RUNDC3B: variants seen among roughly 807,000 people sequenced by gnomAD.
RUNDC3B encodes RUN domain containing 3B.
A neutral mutation model predicts 58.4 loss-of-function variants in RUNDC3B; 33 were observed. The ratio of observed to expected loss-of-function variants is 0.56; its 90% CI spans 0.43 to 0.75. The LOEUF is 0.75. Among genes scored for constraint, RUNDC3B ranks in the 30% least tolerant of loss-of-function variants. RUNDC3B has a pLI of 0.00. For synonymous variants in RUNDC3B, 193 were observed against 195.2 expected (o/e 0.99, Z 0.10); for missense variants, 501 against 535.7 (o/e 0.94, Z 0.64).
At chr7:87,637,763 T>C (rs1252171796) in intron 1 of RUNDC3B, among the ~76,000 whole-genome samples, 2 of 152,116 alleles carry the variant, frequency 1.3e-5, no homozygotes, top group South Asian at 4.1e-4. Context: ...ACTGGTCTTA[T>C]ATCTAACAGT....
At chr7:87,801,433 A>AT (rs1214758007) in intron 8 of RUNDC3B, among the ~76,000 whole-genome samples, 6 of 152,082 alleles carry the variant, frequency 3.9e-5, no homozygotes, top group South Asian at 2.1e-4. Flanking sequence ...GGACTGTTCC[A>AT]TTTTTTACCT....
At chr7:87,791,501 A>T (rs980262960) in intron 8 of RUNDC3B, among the ~76,000 whole-genome samples, 4 of 152,182 alleles carry the variant, frequency 2.6e-5, no homozygotes, top group African/African-American at 4.8e-5. Context: ...CCAATAAAAA[A>T]TAACTACAAG....
intron 2 of RUNDC3B, among the ~76,000 whole-genome samples, chr7:87,674,278 G>A (rs1471560306): frequency 1.3e-5 from 2 of 152,184 alleles, no homozygotes; most frequent in Admixed American, 6.5e-5. Flanking sequence ...GTACATGCAG[G>A]TACTTATGCA....
intron 8 of RUNDC3B, among the ~76,000 whole-genome samples, chr7:87,780,192 T>C (rs1834850636): frequency 6.6e-6 from 1 of 152,214 alleles, no homozygotes; most frequent in Non-Finnish European, 1.5e-5. Flanking sequence ...TTTAAGTTAT[T>C]TGAGAAATCT....
rs560444146 is a variant in RUNDC3B, at chr7:87,634,497, G to C, written c.122+5552G>C. Among the ~76,000 whole-genome samples the C allele has an allele frequency of 2.2e-4, 29 of 130,650 alleles. 1 individual carries two copies. The highest frequency in any genetic ancestry group is 7.9e-4 in the African/African-American group (28 of 35,400). 85.7% of individuals were successfully genotyped at this position (130,650 alleles called of 152,430 possible). A position where few individuals can be genotyped will look rare whatever the true frequency, so the allele number is the denominator to read the frequency against. ...AGTCAGGCGTGGTGGTGGGGGGTGGGGGGGGGGGCACCTGTAATTCCAGCG... is the reference window on the plus strand; with the variant it reads ...AGTCAGGCGTGGTGGTGGGGGGTGGCGGGGGGGGCACCTGTAATTCCAGCG... On this transcript the variant is annotated intron_variant, in intron 1 of 10. Transcript: ENST00000394654.
At chr7:87,769,185 A>G (rs1026824890) in intron 6 of RUNDC3B, among the ~76,000 whole-genome samples, 2 of 114,214 alleles carry the variant, frequency 1.8e-5, no homozygotes, top group Non-Finnish European at 3.9e-5. Flanking sequence ...TTTTTTTTGT[A>G]TTTTTAGTAG....
chr7:87,804,039 A>C (rs1836307828), intron 8 of RUNDC3B, among the ~76,000 whole-genome samples: 1 of 152,166 alleles, frequency 6.6e-6, no homozygotes, highest in Non-Finnish European at 1.5e-5. Flanking sequence ...AAGATCCATA[A>C]AACATTAAAA....
chr7:87,776,288 A>G (rs995013278), intron 7 of RUNDC3B, among the ~76,000 whole-genome samples: 1 of 152,166 alleles, frequency 6.6e-6, no homozygotes, highest in African/African-American at 2.4e-5. Flanking sequence ...ATTAAGAAAA[A>G]CCTAAAGTGA....
chr7:87,666,069 C>A (rs1381285996), intron 2 of RUNDC3B, among the ~76,000 whole-genome samples: 2 of 152,094 alleles, frequency 1.3e-5, no homozygotes, highest in African/African-American at 4.8e-5. Flanking sequence ...CTGTCTTCCA[C>A]AATGACTGAT....
chr7:87,641,966 A>G (rs982883076), intron 1 of RUNDC3B, among the ~76,000 whole-genome samples: 1 of 152,152 alleles, frequency 6.6e-6, no homozygotes, highest in South Asian at 2.1e-4. Flanking sequence ...TAAAATTTTC[A>G]TAAATCAATC....
chr7:87,792,058 A>C (rs930464556), intron 8 of RUNDC3B, among the ~76,000 whole-genome samples: 1 of 152,156 alleles, frequency 6.6e-6, no homozygotes, highest in Non-Finnish European at 1.5e-5. Context: ...AAAAAAGATC[A>C]GGAGTAGCTA....
intron 4 of RUNDC3B, among the ~76,000 whole-genome samples, chr7:87,726,286 A>T (rs372966692): frequency 6.6e-6 from 1 of 152,252 alleles, no homozygotes; most frequent in Non-Finnish European, 1.5e-5. Context: ...TAAGGAAGGG[A>T]TCCAGTTTCA....
intron 2 of RUNDC3B, among the ~76,000 whole-genome samples, chr7:87,693,516 A>T (rs1308564918): frequency 6.6e-6 from 1 of 152,118 alleles, no homozygotes; most frequent in African/African-American, 2.4e-5. Context: ...TTTTTTCCTA[A>T]CCAATCTTAT....
At chr7:87,829,353 A>G (rs966270850) in intron 10 of RUNDC3B, among the ~76,000 whole-genome samples, 2 of 151,990 alleles carry the variant, frequency 1.3e-5, no homozygotes, top group Admixed American at 6.6e-5. Flanking sequence ...TTTTGTTGCA[A>G]TTGCTTTTAA....
At position 87,772,375 on chromosome 7, in the gene RUNDC3B, G is replaced by T. The variant is rs371643200; in HGVS notation, c.798+1626G>T. ...TGACTAAAAATATCAGAAAGAGTCA[G>T]AGATGCACAGTAGAACACTATTACA... On this transcript the variant is annotated intron_variant, in intron 7 of 10. Coordinates refer to ENST00000394654, the MANE Select transcript of RUNDC3B (RefSeq NM_001134405.2). Among the ~76,000 whole-genome samples the T allele has an allele frequency of 4.6e-5, 7 of 152,034 alleles. No individual in the cohort carries two copies. In the South Asian group the frequency reaches 8.3e-4, roughly 18 times the overall value.
intron 8 of RUNDC3B, among the ~76,000 whole-genome samples, chr7:87,784,659 A>T (rs1835107851): frequency 1.4e-5 from 2 of 145,352 alleles, no homozygotes; most frequent in Admixed American, 7.2e-5. Flanking sequence ...CCTCCTTTGT[A>T]TTTCAGTGCC....
intron 10 of RUNDC3B, among the ~76,000 whole-genome samples, chr7:87,822,481 T>G (rs565675635): frequency 5.3e-5 from 8 of 152,278 alleles, no homozygotes; most frequent in East Asian, 3.9e-4. Flanking sequence ...TCAGTGTGGC[T>G]ATTCCTCAGG....
chr7:87,635,425 G>C (rs62488858), intron 1 of RUNDC3B, among the ~76,000 whole-genome samples: 304 of 152,186 alleles, frequency 2.0e-3, no homozygotes, highest in South Asian at 3.3e-3. Context: ...CCAACAATTT[G>C]TATTTTCAAG....
chr7:87,773,372 T>G (rs1220035162), intron 7 of RUNDC3B, among the ~76,000 whole-genome samples: 1 of 150,242 alleles, frequency 6.7e-6, no homozygotes, highest in African/African-American at 2.4e-5. Flanking sequence ...TATATATCAG[T>G]GCTGGACTTA....
Sources: gnomAD v4.1 joint callset for allele counts (sites outside exome capture counted in the v4.1 genomes callset) on GRCh38, gnomAD v4.1.1 for gene constraint, MANE v1.5 for transcripts, NCBI Gene and HGNC (gene_info 2026-07-23, HGNC 2026-07-21) for gene names.